Variants in DYNC2H1 observed in about 807,000 individuals in gnomAD.
DYNC2H1 encodes dynein cytoplasmic 2 heavy chain 1.
A neutral mutation model predicts 570.0 loss-of-function variants in DYNC2H1; 410 were observed. The ratio of observed to expected loss-of-function variants is 0.72; its 90% CI spans 0.66 to 0.78. The LOEUF (loss-of-function observed/expected upper bound fraction) is 0.78. DYNC2H1 is among the 30% of genes least tolerant of loss of function. DYNC2H1 has a pLI of 0.00. For synonymous variants in DYNC2H1, 1,688 were observed against 1,677.6 expected (o/e 1.01, Z -0.15); for missense variants, 4,865 against 5,046.4 (o/e 0.96, Z 1.09).
intron 84 of DYNC2H1, among the ~76,000 whole-genome samples, chr11:103,416,203 G>C (rs2135702991): frequency 6.6e-6 from 1 of 152,288 alleles, no homozygotes; most frequent in South Asian, 2.1e-4. Context: ...CAGTGTAAAT[G>C]ATGAGTTGAT....
At chr11:103,304,849 T>G in intron 77 of DYNC2H1, 129 bp downstream of exon 77, 2 of 1,026,804 alleles carry the variant, frequency 1.9e-6, no homozygotes, top group South Asian at 6.7e-5. Context: ...AATTTTAAAT[T>G]TAAATATTTC....
intron 31 of DYNC2H1, among the ~76,000 whole-genome samples, chr11:103,167,572 TA>T (rs1183712031): frequency 6.6e-6 from 1 of 152,138 alleles, no homozygotes; most frequent in African/African-American, 2.4e-5. Flanking sequence ...CCGGCAATAA[TA>T]GTACTTTAAA....
chr11:103,199,960 T>TACTTTACATACAAATACTGGA lies in DYNC2H1; in HGVS notation c.8089-69_8089-68insTGGAACTTTACATACAAATAC. 1 of 812,394 alleles carries TACTTTACATACAAATACTGGA rather than the reference T, an allele frequency of 1.2e-6. No individual in the cohort carries two copies. Among genetic ancestry groups the TACTTTACATACAAATACTGGA allele is most frequent in the Non-Finnish European group, 2.0e-6 (1 of 496,804 alleles). 50.3% of individuals were successfully genotyped at this position (812,394 alleles called of 1,614,324 possible). ...AATAAATAAACACATGATACTGGCA[T>TACTTTACATACAAATACTGGA]ACTTTACATACAAATACAAAATGTT... On this transcript the variant is annotated intron_variant, in intron 49 of 88. Coordinates refer to ENST00000375735, the MANE Select transcript of DYNC2H1 (RefSeq NM_001377.3). This position sits in a 1 kb window ranked among gnomAD's most constrained non-coding sequence, Gnocchi z 4.6.
In DYNC2H1 at chr11:103,461,723, A is replaced by C. The variant is rs1945019659; in HGVS notation, c.12648+5367A>C. Among the ~76,000 whole-genome samples the C allele has an allele frequency of 1.2e-5, 1 of 80,604 alleles. No individual in the cohort carries two copies. Among genetic ancestry groups the C allele is most frequent in the African/African-American group, 8.9e-5 (1 of 11,232 alleles). 52.9% of individuals were successfully genotyped at this position (80,604 alleles called of 152,430 possible). ...AAAATGTAAACATCCTTTGGTCTTC[A>C]AGGTTTTTTTTTTTTAATAATGTTT... On this transcript the variant is annotated intron_variant, in intron 87 of 88. Transcript: ENST00000375735. This position sits in a 1 kb window ranked among gnomAD's most constrained non-coding sequence, Gnocchi z 4.8.
At chr11:103,295,521 A>G (rs1403227636) in intron 75 of DYNC2H1, among the ~76,000 whole-genome samples, 1 of 152,190 alleles carries the variant, frequency 6.6e-6, no homozygotes, top group African/African-American at 2.4e-5. Flanking sequence ...GTATGAGTTT[A>G]TAGATTGCTG....
intron 83 of DYNC2H1, among the ~76,000 whole-genome samples, chr11:103,367,992 T>C (rs1485983028): frequency 1.3e-5 from 2 of 152,274 alleles, no homozygotes; most frequent in African/African-American, 4.8e-5. Flanking sequence ...GGTGTATATA[T>C]ACCATGTTTT....
At chr11:103,196,034 T>A (rs1042071761) in intron 47 of DYNC2H1, among the ~76,000 whole-genome samples, 3 of 152,156 alleles carry the variant, frequency 2.0e-5, no homozygotes, top group African/African-American at 7.2e-5. Context: ...CAGAGAGAGA[T>A]AGAAGATTCA....
chr11:103,408,090 A>G (rs547559219), intron 84 of DYNC2H1: 5 of 152,110 alleles, frequency 3.3e-5, no homozygotes, highest in African/African-American at 1.2e-4. Flanking sequence ...TTTAAAATTA[A>G]TAAGAGGATC....
At chr11:103,141,164 G>A (rs1333366286) in intron 17 of DYNC2H1, among the ~76,000 whole-genome samples, 2 of 152,104 alleles carry the variant, frequency 1.3e-5, no homozygotes, top group African/African-American at 4.8e-5. Flanking sequence ...TCCTCCTGTA[G>A]CTCAGAGTAA....
At chr11:103,283,854 G>A (rs925108609) in intron 73 of DYNC2H1, among the ~76,000 whole-genome samples, 3 of 151,884 alleles carry the variant, frequency 2.0e-5, no homozygotes, top group African/African-American at 7.3e-5. Flanking sequence ...AAAAAGGGGG[G>A]GGAATTCTGC....
chr11:103,412,036 G>T (rs1943108768), intron 84 of DYNC2H1, among the ~76,000 whole-genome samples: 1 of 152,100 alleles, frequency 6.6e-6, no homozygotes, highest in Admixed American at 6.6e-5. Context: ...AGACTAGTCT[G>T]ACTTTCACTA....
At chr11:103,207,445 C>G (rs1720747914) in intron 52 of DYNC2H1, among the ~76,000 whole-genome samples, 1 of 151,802 alleles carries the variant, frequency 6.6e-6, no homozygotes. Context: ...TTTGTGATAA[C>G]AGGAAAGAAA....
In DYNC2H1 at chr11:103,120,519, C is replaced by T. The variant is rs761239111; in HGVS notation, c.1072C>T (p.Leu358Phe). 3 of 1,612,976 alleles carry T rather than the reference C, an allele frequency of 1.9e-6. No individual in the cohort carries two copies. The highest frequency in any genetic ancestry group is 1.1e-5 in the South Asian group (1 of 90,984). ...TGCCAGTGAAGAGAAAATCATATGC[C>T]TCACTCGAGTATTTGAACCTTTTAC... ...LPASEEKIIC[L>F]TRVFEPFTGL... Residue 358 changes from leucine (L) to phenylalanine (F), a missense_variant, in exon 7 of 89, where the codon CTC becomes TTC. Leu to Phe is a conservative substitution (Grantham distance 22, BLOSUM62 0). Transcript: ENST00000375735.
At chr11:103,218,657 C>T (rs968849646) in intron 55 of DYNC2H1, among the ~76,000 whole-genome samples, 8 of 152,022 alleles carry the variant, frequency 5.3e-5, no homozygotes, top group Non-Finnish European at 1.2e-4. Context: ...GGAAAATATT[C>T]GGCATTATGT....
chr11:103,409,600 G>A (rs557824044), intron 84 of DYNC2H1: 1 of 152,788 alleles, frequency 6.5e-6, no homozygotes, highest in African/African-American at 2.4e-5. Flanking sequence ...TAGGCTTGAT[G>A]TGGCTAGTAT....
intron 55 of DYNC2H1, among the ~76,000 whole-genome samples, chr11:103,217,406 A>T (rs1202401207): frequency 6.6e-6 from 1 of 152,200 alleles, no homozygotes; most frequent in Non-Finnish European, 1.5e-5. Flanking sequence ...AGGCAATCTG[A>T]TATTACTGTA....
intron 79 of DYNC2H1, among the ~76,000 whole-genome samples, 185 bp downstream of exon 79, chr11:103,312,218 T>C (rs1051497714): frequency 2.6e-5 from 4 of 151,694 alleles, no homozygotes; most frequent in African/African-American, 9.7e-5. Context: ...CCATCTCTAC[T>C]AAAAATACAA....
rs1317130488 is a variant in DYNC2H1 at position 103,305,524 on chromosome 11, A to G, written c.11382+804A>G. On this transcript the variant is annotated intron_variant, in intron 77 of 88. Transcript: ENST00000375735. This position sits in a 1 kb window ranked among gnomAD's most constrained non-coding sequence, Gnocchi z 4.3. ...AACATTTTGGAATTTTTGTCCTGGGACTTAGAGGGCCAAAGGAGGTCCTTA... is the reference window on the plus strand; with the variant it reads ...AACATTTTGGAATTTTTGTCCTGGGGCTTAGAGGGCCAAAGGAGGTCCTTA... Among the ~76,000 whole-genome samples the G allele has an allele frequency of 3.3e-5, 5 of 152,172 alleles. No homozygotes were observed. Among genetic ancestry groups the G allele is most frequent in the African/African-American group, 1.2e-4 (5 of 41,444 alleles).
intron 84 of DYNC2H1, among the ~76,000 whole-genome samples, chr11:103,412,266 T>C (rs888819351): frequency 2.0e-5 from 3 of 152,140 alleles, no homozygotes; most frequent in African/African-American, 7.2e-5. Context: ...TGTGACACGA[T>C]TGGAGTAGGA....
Sources: allele counts gnomAD v4.1 joint callset (sites outside exome capture counted in the v4.1 genomes callset), GRCh38; gene constraint gnomAD v4.1.1; non-coding constraint Gnocchi (gnomAD v3.1); transcripts MANE v1.5; gene names NCBI Gene and HGNC (gene_info 2026-07-23, HGNC 2026-07-21).